TRAK1: variants seen among roughly 807,000 people sequenced by gnomAD.
The protein encoded by TRAK1 is trafficking kinesin protein 1.
In TRAK1, 33 loss-of-function variants were observed where a neutral mutation model predicts 92.1. The ratio of observed to expected loss-of-function variants is 0.36; its 90% confidence interval spans 0.27 to 0.48. The LOEUF (loss-of-function observed/expected upper bound fraction) is 0.48, where lower values mean the gene tolerates loss of function less well. Among genes scored for constraint, TRAK1 ranks in the 20% least tolerant of loss-of-function variants. TRAK1 has a pLI of 0.99. For missense variants in TRAK1, 1,123 were observed against 1,257.9 expected (o/e 0.89, Z 1.62); for synonymous variants, 521 against 517.3 (o/e 1.01, Z -0.10).
chr3:42,184,548 C>A, intron 3 of TRAK1, 137 bp from the exon 4 acceptor site: 1 of 885,586 alleles, frequency 1.1e-6, no homozygotes, highest in Non-Finnish European at 1.8e-6. Flanking sequence ...GCATCAAATG[C>A]TAACACAGAT....
chr3:42,194,223 T>C (rs1010192021), intron 9 of TRAK1, among the ~76,000 whole-genome samples: 1 of 151,990 alleles, frequency 6.6e-6, no homozygotes, highest in East Asian at 1.9e-4. Flanking sequence ...GAAACATGGG[T>C]GTGACGATTT....
intron 2 of TRAK1, among the ~76,000 whole-genome samples, chr3:42,165,405 T>G (rs967136435): frequency 1.3e-5 from 2 of 152,230 alleles, no homozygotes; most frequent in African/African-American, 2.4e-5. Flanking sequence ...TGGCTGCACC[T>G]GCTGGCTGTT....
In TRAK1 at chr3:42,199,933, C is replaced by T. The variant is rs150176317; in HGVS notation, c.1190+680C>T. Among the ~76,000 whole-genome samples the T allele has an allele frequency of 5.5e-3, 845 of 152,310 alleles. 3 individuals carry two copies. Among genetic ancestry groups the T allele is most frequent in the South Asian group, 0.019 (94 of 4,822 alleles). ...AAACATTTAAAAAATTTAAAATCAA[C>T]GTAGTGTGAGATTCAGAGGGGTCTT... is the stretch of plus-strand genomic sequence containing the variant. On this transcript the variant is annotated intron_variant, in intron 11 of 15. Coordinates refer to ENST00000327628, the MANE Select transcript of TRAK1 (RefSeq NM_001042646.3).
intron 14 of TRAK1, chr3:42,211,721 T>G (rs1709058398): frequency 1.0e-6 from 1 of 985,176 alleles, no homozygotes; most frequent in African/African-American, 1.7e-5. Context: ...CCTTGGAGGA[T>G]AGAGAGAGAG....
intron 2 of TRAK1, among the ~76,000 whole-genome samples, chr3:42,166,909 G>A (rs969232567): frequency 8.5e-5 from 13 of 152,184 alleles, no homozygotes; most frequent in Admixed American, 7.9e-4. Context: ...TTGTTCGTAC[G>A]GCTCTGGGTC....
At chr3:42,062,805 G>C (rs1180658652) in intron 1 of TRAK1, among the ~76,000 whole-genome samples, 1 of 152,178 alleles carries the variant, frequency 6.6e-6, no homozygotes, top group Non-Finnish European at 1.5e-5. Flanking sequence ...ACACTCCCTT[G>C]TGTCCTGCCT....
intron 1 of TRAK1, among the ~76,000 whole-genome samples, chr3:42,112,070 A>G (rs1418232386): frequency 6.6e-6 from 1 of 151,434 alleles, no homozygotes; most frequent in African/African-American, 2.4e-5. Context: ...TAAGACTCCA[A>G]GGAAAGTTTG....
intron 1 of TRAK1, among the ~76,000 whole-genome samples, chr3:42,028,043 G>T (rs1330889837): frequency 1.3e-5 from 2 of 152,098 alleles, no homozygotes. Flanking sequence ...TAGAGACGGG[G>T]TTTCATCATG....
At chr3:42,210,920 A>G (rs1708947127) in intron 14 of TRAK1, 1 of 985,402 alleles carries the variant, frequency 1.0e-6, no homozygotes, top group Non-Finnish European at 1.2e-6. Flanking sequence ...CACTGGGATG[A>G]AAAGCTTTGT....
At chr3:42,140,445 GGT>G (rs1698502819) in intron 2 of TRAK1, among the ~76,000 whole-genome samples, 1 of 152,116 alleles carries the variant, frequency 6.6e-6, no homozygotes, top group Non-Finnish European at 1.5e-5. Context: ...CTGGCTCGAT[GGT>G]GAAACCCCGT....
chr3:42,185,894 G>A (rs796315433), intron 4 of TRAK1, among the ~76,000 whole-genome samples: 156 of 147,928 alleles, frequency 1.1e-3, no homozygotes, highest in African/African-American at 3.3e-3. Context: ...GGTTGGTCTC[G>A]AACTCCTGAC....
At chr3:42,222,792 C>T (rs998654265) in intron 15 of TRAK1, 150 bp from the exon 16 acceptor site, 55 of 735,578 alleles carry the variant, frequency 7.5e-5, no homozygotes, top group South Asian at 5.5e-4. Context: ...GAGGAGCAGA[C>T]GTGGACAGAG....
chr3:42,076,018 AT>A (rs754038321), intron 1 of TRAK1, among the ~76,000 whole-genome samples: 57 of 149,844 alleles, frequency 3.8e-4, no homozygotes, highest in Non-Finnish European at 6.8e-4. Context: ...AATTTTTTAT[AT>A]TTTTAGTAAA....
At chr3:42,060,642 T>C (rs1167621371) in intron 1 of TRAK1, among the ~76,000 whole-genome samples, 1 of 150,952 alleles carries the variant, frequency 6.6e-6, no homozygotes, top group Non-Finnish European at 1.5e-5. Context: ...TTTTTTTTTT[T>C]TTGAGACGGA....
At chr3:42,182,268 T>G (rs79416150) in intron 3 of TRAK1, among the ~76,000 whole-genome samples, 9,096 of 151,598 alleles carry the variant, frequency 0.06, 290 homozygotes, top group Middle Eastern at 0.086. Flanking sequence ...GCACAAATTG[T>G]GGGAACGAGT....
At chr3:42,197,345 A>G (rs924440089) in intron 10 of TRAK1, among the ~76,000 whole-genome samples, 2 of 152,220 alleles carry the variant, frequency 1.3e-5, no homozygotes, top group Admixed American at 6.5e-5. Context: ...CCTTCCACAT[A>G]CAAAAAGATC....
chr3:42,209,353 G>T (rs571720749), intron 13 of TRAK1, among the ~76,000 whole-genome samples: 1 of 152,196 alleles, frequency 6.6e-6, no homozygotes, highest in African/African-American at 2.4e-5. Flanking sequence ...TGTGTATTTG[G>T]CATAGAATAC....
chr3:42,223,598 T>C lies in TRAK1; in HGVS notation c.2723T>C (p.Leu908Pro). The C allele has an allele frequency of 1.2e-6, 2 of 1,613,958 alleles. No homozygotes were observed. The highest frequency in any genetic ancestry group is 1.7e-6 in the Non-Finnish European group (2 of 1,179,996). The change falls in exon 16 of 16, where the codon CTG (leucine) becomes CCG (proline). Residue 908 changes from leucine (L) to proline (P), a missense_variant. Leu to Pro is a moderately conservative substitution (Grantham distance 98). Around this residue, in one of 3 missense-constraint regions of TRAK1, gnomAD observed 401 missense variants for 438.9 expected, o/e 0.91. Coordinates refer to ENST00000327628, the MANE Select transcript of TRAK1 (RefSeq NM_001042646.3). This position sits in a 1 kb window ranked among gnomAD's most constrained non-coding sequence, Gnocchi z 6.1. ...ACTGTCACCAGTGCCATCGGTGGGC[T>C]GCAGCTCAATAGTGGCATCCGGCGG... The part of the protein sequence containing the change: ...CPTVTSAIGG[L>P]QLNSGIRRNR...
At chr3:42,107,148 T>C (rs1246031668) in intron 1 of TRAK1, among the ~76,000 whole-genome samples, 6 of 152,208 alleles carry the variant, frequency 3.9e-5, no homozygotes, top group Admixed American at 3.9e-4. Flanking sequence ...TCAGGCTACC[T>C]TGAAAGCCTT....
Sources: allele counts gnomAD v4.1 joint callset (sites outside exome capture counted in the v4.1 genomes callset), GRCh38; gene constraint gnomAD v4.1.1; regional missense constraint gnomAD v4.1.1; non-coding constraint Gnocchi (gnomAD v3.1); transcripts MANE v1.5; gene names NCBI Gene and HGNC (gene_info 2026-07-23, HGNC 2026-07-21).